CAMKMT: variants seen among roughly 807,000 people sequenced by gnomAD.
The protein encoded by CAMKMT is CaM KMT.
In CAMKMT, 53 loss-of-function variants were observed where a neutral mutation model predicts 48.0. That is an observed-to-expected ratio of 1.10 (90% CI 0.89 to 1.39). The LOEUF (loss-of-function observed/expected upper bound fraction) is 1.39, where lower values mean the gene tolerates loss of function less well. Among genes scored for constraint, CAMKMT ranks in the 40% most tolerant of loss-of-function variants. The probability of loss-of-function intolerance (pLI) is 0.00; values close to 1 mark genes in which losing one functional copy is unlikely to be tolerated. For missense variants in CAMKMT, 428 were observed against 402.7 expected, an observed-to-expected ratio of 1.06 and a Z score of -0.54; for synonymous variants, 165 against 152.3, an observed-to-expected ratio of 1.08 and a Z score of -0.61.
At chr2:44,686,619 T>G (rs970713775) in intron 3 of CAMKMT, among the ~76,000 whole-genome samples, 4 of 152,202 alleles carry the variant, frequency 2.6e-5, no homozygotes, top group African/African-American at 9.7e-5. Flanking sequence ...AATGCAACCA[T>G]GTATATGGGC....
chr2:44,462,316 A>G (rs1667889111), intron 3 of CAMKMT, among the ~76,000 whole-genome samples: 1 of 152,170 alleles, frequency 6.6e-6, no homozygotes, highest in South Asian at 2.1e-4. Context: ...TTTGGTAATC[A>G]TCCTTTCAGA....
intron 3 of CAMKMT, among the ~76,000 whole-genome samples, chr2:44,698,734 G>GT (rs1335912027): frequency 6.6e-6 from 1 of 152,212 alleles, no homozygotes; most frequent in Non-Finnish European, 1.5e-5. Context: ...AGACAATGCA[G>GT]TTTGCCACAT....
intron 3 of CAMKMT, among the ~76,000 whole-genome samples, chr2:44,541,983 C>A (rs1667132620): frequency 6.6e-6 from 1 of 151,794 alleles, no homozygotes; most frequent in Admixed American, 6.6e-5. Flanking sequence ...ACAAATTAAA[C>A]CGGGCATGGT....
At chr2:44,491,762 C>T (rs1414947290) in intron 3 of CAMKMT, among the ~76,000 whole-genome samples, 1 of 152,112 alleles carries the variant, frequency 6.6e-6, no homozygotes, top group Non-Finnish European at 1.5e-5. Context: ...TTACCTATTG[C>T]ACCCCCTTAA....
At chr2:44,642,922 A>G (rs1673525553) in intron 3 of CAMKMT, among the ~76,000 whole-genome samples, 1 of 152,170 alleles carries the variant, frequency 6.6e-6, no homozygotes. Context: ...AAAGGCTCAT[A>G]TTGAGTGTCC....
intron 8 of CAMKMT, among the ~76,000 whole-genome samples, chr2:44,749,325 A>C (rs1398441692): frequency 6.6e-6 from 1 of 152,170 alleles, no homozygotes; most frequent in Non-Finnish European, 1.5e-5. Context: ...TTCATCCTTG[A>C]CAGTATCAGT....
At position 44,631,761 on chromosome 2, in the gene CAMKMT, T is replaced by TG. The variant is rs1314196783; in HGVS notation, c.377-72522_377-72521insG. ...CTTGCTATTTGTTTTCTGTTTGTCT[T>TG]TTTTGTTCATTATTCTTTTTACCTC... On this transcript the variant is annotated intron_variant, in intron 3 of 10. Transcript: ENST00000378494. The TG allele has an allele frequency of 7.3e-5, 27 of 369,486 alleles. No individual in the cohort carries two copies. In the East Asian group the frequency reaches 9.0e-4, roughly 12 times the overall value. 22.9% of individuals were successfully genotyped at this position (369,486 alleles called of 1,614,324 possible).
intron 3 of CAMKMT, among the ~76,000 whole-genome samples, chr2:44,491,404 C>T (rs1367731413): frequency 1.3e-5 from 2 of 152,098 alleles, no homozygotes; most frequent in Non-Finnish European, 2.9e-5. Flanking sequence ...AAATACCTCT[C>T]CCTATCCTTA....
At chr2:44,424,737 C>T (rs916442328) in intron 3 of CAMKMT, among the ~76,000 whole-genome samples, 3 of 152,280 alleles carry the variant, frequency 2.0e-5, no homozygotes, top group South Asian at 2.1e-4. Flanking sequence ...CAAAGAATGA[C>T]ACAGTGCACT....
rs1478287148 is a variant in CAMKMT at position 44,549,428 on chromosome 2, C to G, written c.377-154855C>G. 8 of 623,240 alleles carry G rather than the reference C, an allele frequency of 1.3e-5. No individual in the cohort carries two copies. The South Asian group carries it at 1.6e-4, about 12-fold the overall frequency. The allele number at this position is 623,240 out of a possible 1,614,324, so 38.6% of individuals were successfully genotyped here. On this transcript the variant is annotated intron_variant, in intron 3 of 10. Transcript: ENST00000378494. ...TCACCCCAAGGGAAGAGAAGAACCT[C>G]TCTCACACAGCAGGAAGACTCAGTT...
intron 7 of CAMKMT, 144 bp downstream of exon 7, chr2:44,715,497 T>A: frequency 1.6e-6 from 1 of 624,190 alleles, no homozygotes; most frequent in South Asian, 1.9e-5. Flanking sequence ...ACAAGTATTA[T>A]CTCATTTAAT....
At chr2:44,443,626 C>T (rs1038527801) in intron 3 of CAMKMT, among the ~76,000 whole-genome samples, 3 of 152,148 alleles carry the variant, frequency 2.0e-5, no homozygotes, top group Non-Finnish European at 4.4e-5. Flanking sequence ...TGAAAGGCAT[C>T]ATCCTCATAA....
At chr2:44,570,423 G>T (rs376324455) in intron 3 of CAMKMT, among the ~76,000 whole-genome samples, 27 of 152,110 alleles carry the variant, frequency 1.8e-4, no homozygotes, top group Non-Finnish European at 2.8e-4. Flanking sequence ...TACTAAATCT[G>T]TTAGAGGAAT....
chr2:44,402,879 T>G (rs1067323), intron 3 of CAMKMT, among the ~76,000 whole-genome samples: 109,375 of 147,048 alleles, frequency 0.74, 41,796 homozygotes, highest in African/African-American at 0.87. Flanking sequence ...TCTTTTCATA[T>G]TTCTTAATTG....
intron 3 of CAMKMT, among the ~76,000 whole-genome samples, chr2:44,452,745 A>T (rs1667356315): frequency 6.6e-6 from 1 of 152,014 alleles, no homozygotes; most frequent in African/African-American, 2.4e-5. Context: ...TTTATTAATG[A>T]AAATAAAGAC....
chr2:44,417,299 G>T (rs1254644159), intron 3 of CAMKMT, among the ~76,000 whole-genome samples: 1 of 152,130 alleles, frequency 6.6e-6, no homozygotes, highest in Non-Finnish European at 1.5e-5. Context: ...GGAGGCTGAG[G>T]CAGGAGAATT....
intron 3 of CAMKMT, among the ~76,000 whole-genome samples, chr2:44,470,242 C>A (rs570456861): frequency 2.6e-5 from 4 of 152,254 alleles, no homozygotes; most frequent in African/African-American, 7.2e-5. Flanking sequence ...TGGCCTCATA[C>A]TGTGAAGTTT....
chr2:44,662,709 A>G (rs955801435), intron 3 of CAMKMT, among the ~76,000 whole-genome samples: 2 of 152,070 alleles, frequency 1.3e-5, no homozygotes, highest in African/African-American at 4.8e-5. Flanking sequence ...TGAGTAGCAT[A>G]TGCATCACCA....
At chr2:44,610,738 A>C (rs1429442739) in intron 3 of CAMKMT, among the ~76,000 whole-genome samples, 1 of 152,240 alleles carries the variant, frequency 6.6e-6, no homozygotes, top group Non-Finnish European at 1.5e-5. Context: ...GTCTGTAGAG[A>C]ATTGATGAAA....
Sources: gnomAD v4.1 joint callset for allele counts (sites outside exome capture counted in the v4.1 genomes callset) on GRCh38, gnomAD v4.1.1 for gene constraint, MANE v1.5 for transcripts, NCBI Gene and HGNC (gene_info 2026-07-23, HGNC 2026-07-21) for gene names.